The following EIPR1 variants were observed in gnomAD, a reference collection of about 807,000 sequenced individuals.
The protein encoded by EIPR1 is EARP and GARP complex-interacting protein 1.
EIPR1 carries 25 observed loss-of-function variants against 48.1 expected under a neutral mutation model. That is an observed-to-expected ratio of 0.52 (90% CI 0.38 to 0.73). The LOEUF is 0.73. Ranked by LOEUF, EIPR1 falls within the 30% of genes least tolerant of loss-of-function variation. The pLI, the probability that EIPR1 is intolerant of heterozygous loss-of-function variation, is 0.00. For synonymous variants in EIPR1, 204 were observed against 201.9 expected (o/e 1.01, Z -0.09); for missense variants, 415 against 506.2 (o/e 0.82, Z 1.73).
At chr2:3,199,926 G>A (rs1455614229) in intron 5 of EIPR1, among the ~76,000 whole-genome samples, 1 of 121,434 alleles carries the variant, frequency 8.2e-6, no homozygotes, top group East Asian at 2.6e-4. Flanking sequence ...CACACATGGG[G>A]GGGTGTCCAC....
intron 1 of EIPR1, chr2:3,377,241 T>A (rs1324907822): frequency 5.4e-6 from 1 of 183,692 alleles, no homozygotes; most frequent in Middle Eastern, 2.2e-3. Flanking sequence ...AAGAACTTTC[T>A]ATGTATTTTT....
chr2:3,367,396 A>G (rs1029826953), intron 1 of EIPR1, among the ~76,000 whole-genome samples: 1 of 152,264 alleles, frequency 6.6e-6, no homozygotes, highest in Non-Finnish European at 1.5e-5. Flanking sequence ...ACCACAGATT[A>G]ACAAGTCAAC....
At chr2:3,220,057 G>A (rs907618221) in intron 4 of EIPR1, among the ~76,000 whole-genome samples, 3 of 152,196 alleles carry the variant, frequency 2.0e-5, no homozygotes, top group Non-Finnish European at 2.9e-5. Context: ...GAGGGATCTA[G>A]GCTGCACACT....
intron 3 of EIPR1, among the ~76,000 whole-genome samples, chr2:3,291,257 A>T (rs1052217002): frequency 2.0e-5 from 3 of 152,226 alleles, no homozygotes; most frequent in South Asian, 2.1e-4. Context: ...ACACATCAGC[A>T]CAAAGTGGGC....
chr2:3,336,854 G>C (rs1196642148), intron 3 of EIPR1, among the ~76,000 whole-genome samples: 1 of 124,944 alleles, frequency 8.0e-6, no homozygotes, highest in Non-Finnish European at 1.6e-5. Context: ...AAGGGAAAAG[G>C]GAAGGGAAGG....
At chr2:3,299,802 A>C (rs748416964) in intron 3 of EIPR1, among the ~76,000 whole-genome samples, 1 of 152,150 alleles carries the variant, frequency 6.6e-6, no homozygotes, top group Non-Finnish European at 1.5e-5. Context: ...CTCTCTTGAC[A>C]GTCTGTAGAA....
chr2:3,202,104 A>AT (rs927066247), intron 5 of EIPR1, among the ~76,000 whole-genome samples: 20 of 151,804 alleles, frequency 1.3e-4, no homozygotes, highest in African/African-American at 1.9e-4. Context: ...CGCCCGGCTA[A>AT]TTTTTTGTAT....
chr2:3,338,494 C>T (rs1670135876), intron 2 of EIPR1, among the ~76,000 whole-genome samples: 1 of 152,214 alleles, frequency 6.6e-6, no homozygotes, highest in South Asian at 2.1e-4. Context: ...CTGCCCAGGG[C>T]TGTCCATATC....
intron 2 of EIPR1, among the ~76,000 whole-genome samples, chr2:3,351,052 G>A (rs2103370541): frequency 6.8e-6 from 1 of 147,484 alleles, no homozygotes; most frequent in South Asian, 2.1e-4. Flanking sequence ...AGCCTGGAGT[G>A]CAGTGGTGCG....
At chr2:3,325,632 T>G (rs1339581676) in intron 3 of EIPR1, among the ~76,000 whole-genome samples, 1 of 152,206 alleles carries the variant, frequency 6.6e-6, no homozygotes, top group Non-Finnish European at 1.5e-5. Context: ...CATATCCTAC[T>G]GTGACAGCAT....
intron 5 of EIPR1, among the ~76,000 whole-genome samples, chr2:3,202,661 G>A (rs964498048): frequency 2.6e-5 from 4 of 152,150 alleles, no homozygotes; most frequent in African/African-American, 4.8e-5. Context: ...ATCTTGAGCC[G>A]AGCAATGCAA....
chr2:3,264,783 G>A (rs1667437212), intron 3 of EIPR1, among the ~76,000 whole-genome samples: 1 of 152,192 alleles, frequency 6.6e-6, no homozygotes. Context: ...CGCCTCCCGG[G>A]TTCAAGCGAT....
chr2:3,334,235 A>G (rs555758560), intron 3 of EIPR1, among the ~76,000 whole-genome samples: 1 of 152,350 alleles, frequency 6.6e-6, no homozygotes, highest in South Asian at 2.1e-4. Context: ...GAAGACAAAG[A>G]GGATAAATTG....
chr2:3,309,881 C>G (rs566103440), intron 3 of EIPR1, among the ~76,000 whole-genome samples: 1 of 152,290 alleles, frequency 6.6e-6, no homozygotes, highest in East Asian at 1.9e-4. Context: ...AGGAAAGAGA[C>G]GGTGGTGTGG....
intron 3 of EIPR1, among the ~76,000 whole-genome samples, chr2:3,297,414 G>A (rs549222774): frequency 6.6e-6 from 1 of 152,346 alleles, no homozygotes; most frequent in African/African-American, 2.4e-5. Flanking sequence ...CAGATGGTGG[G>A]CATTTGCCCT....
intron 4 of EIPR1, among the ~76,000 whole-genome samples, chr2:3,247,281 C>G (rs1045626604): frequency 1.7e-4 from 26 of 152,178 alleles, no homozygotes; most frequent in Non-Finnish European, 2.9e-4. Context: ...GCCGAGGTTT[C>G]CATTATTTTG....
intron 5 of EIPR1, among the ~76,000 whole-genome samples, chr2:3,205,209 C>T (rs906848316): frequency 3.3e-5 from 5 of 152,196 alleles, no homozygotes; most frequent in African/African-American, 4.8e-5. Flanking sequence ...ACCCTGAGCC[C>T]GTTCCCATCC....
intron 6 of EIPR1, 103 bp downstream of exon 6, chr2:3,196,778 C>A (rs556850188): frequency 6.9e-6 from 10 of 1,441,006 alleles, no homozygotes; most frequent in South Asian, 1.4e-5. Flanking sequence ...ACAAACCATG[C>A]GCCCCCAAAG....
At chr2:3,215,455 T>A (rs1665599507) in intron 4 of EIPR1, among the ~76,000 whole-genome samples, 1 of 152,202 alleles carries the variant, frequency 6.6e-6, no homozygotes, top group Admixed American at 6.5e-5. Context: ...TTTCCCATCA[T>A]CTGCAGCCAA....
Sources: allele counts gnomAD v4.1 joint callset (sites outside exome capture counted in the v4.1 genomes callset), GRCh38; gene constraint gnomAD v4.1.1; transcripts MANE v1.5; gene names NCBI Gene and HGNC (gene_info 2026-07-23, HGNC 2026-07-21).